LCOR: variants seen among roughly 807,000 people sequenced by gnomAD.
The protein encoded by LCOR is ligand-dependent corepressor.
Under a neutral mutation model 64.4 loss-of-function variants are expected in LCOR, and 14 were observed. That is an observed-to-expected ratio of 0.22 (90% confidence interval 0.14 to 0.34). The LOEUF is 0.34. LCOR is among the 10% of genes least tolerant of loss of function. LCOR has a pLI of 1.00. For synonymous variants in LCOR, 643 were observed against 642.5 expected (o/e 1.00, Z -0.01); for missense variants, 1,686 against 1,765.3 (o/e 0.96, Z 0.80).
rs115722723 is a variant in LCOR at position 96,971,234 on chromosome 10, G to A, written c.333-9559G>A. 8.9e-3 allele frequency among the ~76,000 whole-genome samples: 1,349 copies of A among 152,088 alleles called. 22 individuals carry two copies. The highest frequency in any genetic ancestry group is 0.03 in the African/African-American group (1,229 of 41,468). ...CAAAATTCCCTTCTTTCCCTGCCTC[G>A]TTGAACTCATTTTTTTTGAAAGGTT... On this transcript the variant is annotated intron_variant, in intron 7 of 7. Coordinates refer to ENST00000421806, the MANE Select transcript of LCOR (RefSeq NM_001346516.2).
rs1192202104 is a variant in LCOR, at chr10:96,990,283, T to C, written c.*5149T>C. 6.6e-6 allele frequency: 1 copy of C among 152,116 alleles called. No homozygotes were observed. 9.4% of individuals were successfully genotyped at this position (152,116 alleles called of 1,614,324 possible). ...GTTTAAAAGTACAGTTTTTTGAAAG[T>C]ATAGTCATCTTCATTTTTATGACGC... On this transcript the variant is annotated 3_prime_UTR_variant, in exon 8 of 8. Coordinates refer to ENST00000421806, the MANE Select transcript of LCOR (RefSeq NM_001346516.2).
At chr10:96,851,045 T>A (rs190500756) in intron 2 of LCOR, among the ~76,000 whole-genome samples, 1 of 152,226 alleles carries the variant, frequency 6.6e-6, no homozygotes, top group Non-Finnish European at 1.5e-5. Flanking sequence ...AAAGCTTGTA[T>A]CTTTGCTGTT....
intron 2 of LCOR, among the ~76,000 whole-genome samples, chr10:96,848,412 C>G (rs181687426): frequency 4.9e-4 from 74 of 152,336 alleles, no homozygotes; most frequent in African/African-American, 1.7e-3. Flanking sequence ...AATCCCAACA[C>G]TTTGGGAGGC....
chr10:96,860,315 CT>C (rs1452891933), intron 2 of LCOR, among the ~76,000 whole-genome samples: 1 of 152,096 alleles, frequency 6.6e-6, no homozygotes, highest in Non-Finnish European at 1.5e-5. Flanking sequence ...AGGGTGGCCC[CT>C]AATCCAACAA....
chr10:96,894,145 G>A (rs1365476790), intron 2 of LCOR, among the ~76,000 whole-genome samples: 3 of 152,084 alleles, frequency 2.0e-5, no homozygotes, highest in Non-Finnish European at 4.4e-5. Context: ...AGGCTGGAGT[G>A]CGGTGGCATG....
At chr10:96,936,897 G>T (rs879807490) in intron 4 of LCOR, among the ~76,000 whole-genome samples, 3 of 152,076 alleles carry the variant, frequency 2.0e-5, no homozygotes, top group Admixed American at 2.0e-4. Context: ...CACAATAAGA[G>T]ATTAAAACTA....
intron 2 of LCOR, among the ~76,000 whole-genome samples, chr10:96,842,047 T>C (rs1172960436): frequency 1.3e-5 from 2 of 152,294 alleles, no homozygotes; most frequent in East Asian, 1.9e-4. Context: ...ACGTGATTTT[T>C]TAGAGTTTTG....
At chr10:96,927,344 ATT>A (rs1847186279) in intron 4 of LCOR, among the ~76,000 whole-genome samples, 2 of 151,560 alleles carry the variant, frequency 1.3e-5, no homozygotes, top group Non-Finnish European at 2.9e-5. Context: ...AGAAAACATT[ATT>A]ATAAGTTATA....
At chr10:96,893,733 A>G (rs1276905143) in intron 2 of LCOR, among the ~76,000 whole-genome samples, 1 of 151,288 alleles carries the variant, frequency 6.6e-6, no homozygotes, top group African/African-American at 2.4e-5. Context: ...ACTACACTCC[A>G]GCCTGGGTGA....
intron 2 of LCOR, among the ~76,000 whole-genome samples, chr10:96,854,079 C>G (rs1217289910): frequency 6.6e-6 from 1 of 152,168 alleles, no homozygotes; most frequent in Non-Finnish European, 1.5e-5. Context: ...AGCCATATCA[C>G]CCTGGCATGA....
intron 7 of LCOR, among the ~76,000 whole-genome samples, chr10:96,979,418 G>A (rs1371766973): frequency 6.6e-6 from 1 of 152,224 alleles, no homozygotes; most frequent in Non-Finnish European, 1.5e-5. Flanking sequence ...GAAAGGCCTG[G>A]CTGTCTAAGC....
intron 2 of LCOR, among the ~76,000 whole-genome samples, chr10:96,886,637 A>G (rs1003986819): frequency 6.6e-6 from 1 of 151,768 alleles, no homozygotes; most frequent in African/African-American, 2.4e-5. Context: ...TATAAATCTA[A>G]TTTGGGTTGT....
At chr10:96,906,569 T>C (rs1846731732) in intron 2 of LCOR, among the ~76,000 whole-genome samples, 1 of 152,244 alleles carries the variant, frequency 6.6e-6, no homozygotes, top group Non-Finnish European at 1.5e-5. Flanking sequence ...AAAAAAGTTT[T>C]TGATTTTTTC....
chr10:96,981,379 G>A lies in LCOR; in HGVS notation c.919G>A (p.Gly307Ser), dbSNP rs1387703025. The change falls in exon 8 of 8, where the codon GGT (glycine) becomes AGT (serine). Residue 307 changes from glycine (G) to serine (S), a missense_variant. Physicochemically the swap from Gly to Ser is moderately conservative, Grantham distance 56. Transcript: ENST00000421806. Reference protein sequence around the residue: ...QDTNVNICEDGKDHMQSSALV... With the variant: ...QDTNVNICEDSKDHMQSSALV... ...CACAAATGTGAACATATGTGAGGATGGTAAAGACCATATGCAGAGTTCAGC... is the reference window on the plus strand; with the variant it reads ...CACAAATGTGAACATATGTGAGGATAGTAAAGACCATATGCAGAGTTCAGC... The A allele has an allele frequency of 6.2e-6, 10 of 1,613,926 alleles. No homozygotes were observed. Among genetic ancestry groups the A allele is most frequent in the African/African-American group, 4.0e-5 (3 of 74,884 alleles).
intron 4 of LCOR, among the ~76,000 whole-genome samples, chr10:96,921,650 G>A (rs543793901): frequency 1.4e-4 from 21 of 152,178 alleles, no homozygotes; most frequent in Admixed American, 2.6e-4. Flanking sequence ...TTTTAGTAGC[G>A]ATGGGGTTTT....
chr10:96,901,312 T>TA (rs1846633548), intron 2 of LCOR, among the ~76,000 whole-genome samples: 1 of 152,190 alleles, frequency 6.6e-6, no homozygotes, highest in African/African-American at 2.4e-5. Flanking sequence ...TGTCACCACA[T>TA]ACCATTCCCA....
chr10:96,858,918 T>G (rs1334137503), intron 2 of LCOR, among the ~76,000 whole-genome samples: 1 of 152,204 alleles, frequency 6.6e-6, no homozygotes, highest in African/African-American at 2.4e-5. Context: ...TGGCTCTCCC[T>G]GTCCTTTGCT....
At chr10:96,957,516 T>C (rs1847804195) in intron 7 of LCOR, 2 of 985,392 alleles carry the variant, frequency 2.0e-6, no homozygotes, top group Non-Finnish European at 2.4e-6. Flanking sequence ...TCTAATCTGC[T>C]GAGAAAGGTG....
At chr10:96,952,071 A>G (rs371072357) in intron 6 of LCOR, 32 bp from the exon 7 acceptor site, 3 of 1,508,696 alleles carry the variant, frequency 2.0e-6, no homozygotes, top group African/African-American at 1.4e-5. Flanking sequence ...CTAGCTTTTA[A>G]TATCCTCAGG....
Sources: gnomAD v4.1 joint callset for allele counts (sites outside exome capture counted in the v4.1 genomes callset) on GRCh38, gnomAD v4.1.1 for gene constraint, MANE v1.5 for transcripts, NCBI Gene and HGNC (gene_info 2026-07-23, HGNC 2026-07-21) for gene names.